RNF115: variants seen among roughly 807,000 people sequenced by gnomAD.
RNF115 encodes ring finger protein 115.
In RNF115, 31 loss-of-function variants were observed where a neutral mutation model predicts 39.2. The ratio of observed to expected loss-of-function variants is 0.79; its 90% CI spans 0.59 to 1.07. The LOEUF (loss-of-function observed/expected upper bound fraction) is 1.07, where lower values mean the gene tolerates loss of function less well. Among genes scored for constraint, RNF115 ranks in the 50% least tolerant of loss-of-function variants. RNF115 has a pLI of 0.00. For missense variants in RNF115, 384 were observed against 381.7 expected, an observed-to-expected ratio of 1.01 and a Z score of -0.05; for synonymous variants, 124 against 131.0, an observed-to-expected ratio of 0.95 and a Z score of 0.37.
At chr1:145,811,908 A>AAATAT (rs1553722706) in intron 1 of RNF115, among the ~76,000 whole-genome samples, 1 of 55,152 alleles carries the variant, frequency 1.8e-5, no homozygotes, top group East Asian at 4.8e-4. Context: ...AAAAAAAAAA[A>AAATAT]ATATATATAT....
At chr1:145,799,051 T>C (rs782513032) in intron 1 of RNF115, among the ~76,000 whole-genome samples, 6 of 152,062 alleles carry the variant, frequency 3.9e-5, no homozygotes, top group Non-Finnish European at 8.8e-5. Context: ...ACAGGGTTTT[T>C]TGTGGAATGT....
chr1:145,751,390 G>A (rs2101462569), intron 6 of RNF115, 48 bp downstream of exon 6: 1 of 1,298,324 alleles, frequency 7.7e-7, no homozygotes, highest in Non-Finnish European at 1.1e-6. Flanking sequence ...GAAGCCTGTG[G>A]AACCATGAGA....
intron 7 of RNF115, among the ~76,000 whole-genome samples, chr1:145,750,047 T>C (rs1658017783): frequency 6.6e-6 from 1 of 152,232 alleles, no homozygotes; most frequent in Non-Finnish European, 1.5e-5. Context: ...GTATCATGTG[T>C]CCAACACAGT....
intron 1 of RNF115, among the ~76,000 whole-genome samples, chr1:145,796,110 A>G (rs1553719984): frequency 1.3e-5 from 2 of 152,136 alleles, no homozygotes; most frequent in African/African-American, 2.4e-5. Context: ...AAGTTATTAT[A>G]TTTCCTGTTT....
At chr1:145,747,066 A>G (rs1440465266) in intron 8 of RNF115, 69 bp from the exon 9 acceptor site, 2 of 1,473,902 alleles carry the variant, frequency 1.4e-6, no homozygotes, top group African/African-American at 1.4e-5. Context: ...GTACACTTAA[A>G]TAACCCTGAG....
At chr1:145,755,075 T>C (rs1488149969) in intron 4 of RNF115, among the ~76,000 whole-genome samples, 1 of 151,994 alleles carries the variant, frequency 6.6e-6, no homozygotes, top group African/African-American at 2.4e-5. Flanking sequence ...ACCCCATCTC[T>C]ACTAAAAATA....
At chr1:145,783,216 T>C (rs1648226067) in intron 3 of RNF115, among the ~76,000 whole-genome samples, 1 of 152,112 alleles carries the variant, frequency 6.6e-6, no homozygotes, top group Non-Finnish European at 1.5e-5. Flanking sequence ...AAAATAAAAA[T>C]GCAAGTTCAA....
At chr1:145,803,678 G>A (rs1381149484) in intron 1 of RNF115, among the ~76,000 whole-genome samples, 2 of 152,272 alleles carry the variant, frequency 1.3e-5, no homozygotes, top group South Asian at 2.1e-4. Flanking sequence ...GTGAGCCACC[G>A]CACCCAGCCA....
chr1:145,776,099 C>T lies in RNF115; in HGVS notation c.220-4180G>A, dbSNP rs928959242. On this transcript the variant is annotated intron_variant, in intron 3 of 8. Coordinates refer to ENST00000582693, the MANE Select transcript of RNF115 (RefSeq NM_014455.4). ...GGTTGACCACAGGGTAAGGGGGGGG[C>T]TACTGTACCAATTCAGACTCCTACC... Among the ~76,000 whole-genome samples the T allele has an allele frequency of 2.8e-5, 4 of 142,376 alleles. No individual in the cohort carries two copies. The South Asian group carries it at 6.8e-4, about 24-fold the overall frequency. 93.4% of individuals were successfully genotyped at this position (142,376 alleles called of 152,430 possible).
At chr1:145,755,769 T>C (rs1312908158) in intron 4 of RNF115, among the ~76,000 whole-genome samples, 2 of 151,710 alleles carry the variant, frequency 1.3e-5, no homozygotes, top group Admixed American at 1.3e-4. Flanking sequence ...TTGAGGAAGT[T>C]AAAGGTGAGA....
At chr1:145,816,717 G>GGTTC (rs1650009143) in intron 1 of RNF115, among the ~76,000 whole-genome samples, 1 of 147,942 alleles carries the variant, frequency 6.8e-6, no homozygotes, top group African/African-American at 2.4e-5. Context: ...ATAGATGATG[G>GGTTC]GTTCTTTCTT....
intron 4 of RNF115, among the ~76,000 whole-genome samples, chr1:145,766,546 GCTC>G (rs1647282479): frequency 6.6e-6 from 1 of 151,380 alleles, no homozygotes; most frequent in African/African-American, 2.4e-5. Flanking sequence ...GGGCAGAGGG[GCTC>G]CTCACTTCCC....
intron 2 of RNF115, among the ~76,000 whole-genome samples, chr1:145,786,241 A>G (rs587643219): frequency 6.1e-4 from 93 of 152,320 alleles, no homozygotes; most frequent in Admixed American, 1.2e-3. Context: ...GCTCCTCTAC[A>G]TGGAAGTTTA....
intron 2 of RNF115, among the ~76,000 whole-genome samples, chr1:145,788,175 G>A (rs1397410494): frequency 6.6e-6 from 1 of 151,874 alleles, no homozygotes; most frequent in Non-Finnish European, 1.5e-5. Flanking sequence ...TCCACCTCCC[G>A]GTTTCAAGTG....
intron 1 of RNF115, among the ~76,000 whole-genome samples, chr1:145,807,981 T>C (rs1250198055): frequency 2.6e-5 from 4 of 152,172 alleles, no homozygotes; most frequent in Admixed American, 2.6e-4. Context: ...CTTAACATAA[T>C]AACCTCCAGT....
chr1:145,759,454 C>T (rs1337339811), intron 4 of RNF115, among the ~76,000 whole-genome samples: 3 of 152,122 alleles, frequency 2.0e-5, no homozygotes, highest in East Asian at 3.8e-4. Context: ...GGCCAAAAAC[C>T]TTGGTGTCAT....
At chr1:145,781,290 C>G (rs1648136419) in intron 3 of RNF115, among the ~76,000 whole-genome samples, 1 of 152,166 alleles carries the variant, frequency 6.6e-6, no homozygotes, top group Admixed American at 6.6e-5. Context: ...GTACAAGCAG[C>G]TCCAGCTAAA....
chr1:145,787,622 C>T (rs1479071731), intron 2 of RNF115, among the ~76,000 whole-genome samples: 4 of 149,762 alleles, frequency 2.7e-5, no homozygotes, highest in African/African-American at 4.9e-5. Context: ...CACGGTGGCT[C>T]ATGCCTGTAA....
At chr1:145,781,593 C>G (rs1263022721) in intron 3 of RNF115, among the ~76,000 whole-genome samples, 1 of 152,152 alleles carries the variant, frequency 6.6e-6, no homozygotes, top group Admixed American at 6.5e-5. Flanking sequence ...ACATTGCGGT[C>G]TACACACCTA....
Sources: gnomAD v4.1 joint callset for allele counts (sites outside exome capture counted in the v4.1 genomes callset) on GRCh38, gnomAD v4.1.1 for gene constraint, MANE v1.5 for transcripts, NCBI Gene and HGNC (gene_info 2026-07-23, HGNC 2026-07-21) for gene names.